SFXN5: variants seen among roughly 807,000 people sequenced by gnomAD.
SFXN5 encodes the protein sideroflexin 5, also known as sideroflexin-5.
A neutral mutation model predicts 50.2 loss-of-function variants in SFXN5; 43 were observed. That is an observed-to-expected ratio of 0.86 (90% confidence interval 0.67 to 1.11). The LOEUF is 1.11. SFXN5 is among the 50% of genes least tolerant of loss of function. The probability of loss-of-function intolerance (pLI) is 0.00; values close to 1 mark genes in which losing one functional copy is unlikely to be tolerated. For missense variants in SFXN5, 463 were observed against 454.1 expected (o/e 1.02, Z -0.18); for synonymous variants, 203 against 185.8 (o/e 1.09, Z -0.75).
chr2:73,059,747 TC>T, intron 1 of SFXN5: 1 of 979,802 alleles, frequency 1.0e-6, no homozygotes, highest in African/African-American at 1.8e-5. Context: ...CCTCTTATAA[TC>T]CACACAGCCC....
At chr2:72,987,263 C>T (rs1574040491) in intron 10 of SFXN5, among the ~76,000 whole-genome samples, 1 of 151,866 alleles carries the variant, frequency 6.6e-6, no homozygotes, top group South Asian at 2.1e-4. Flanking sequence ...GCATGCACCA[C>T]CACACCCAGC....
At chr2:72,995,145 C>A (rs1673062201) in intron 9 of SFXN5, among the ~76,000 whole-genome samples, 1 of 152,164 alleles carries the variant, frequency 6.6e-6, no homozygotes, top group Non-Finnish European at 1.5e-5. Flanking sequence ...ACATCACAGT[C>A]CCCCGATGGG....
intron 10 of SFXN5, among the ~76,000 whole-genome samples, chr2:72,982,419 C>T (rs1260723682): frequency 3.3e-5 from 5 of 152,352 alleles, no homozygotes; most frequent in Middle Eastern, 6.8e-3. Context: ...CTGGCCACCA[C>T]TGTCATCAGG....
intron 6 of SFXN5, 157 bp downstream of exon 6, chr2:73,020,082 G>T: frequency 1.5e-6 from 1 of 658,196 alleles, no homozygotes; most frequent in South Asian, 2.0e-5. Flanking sequence ...ATCAAGAGAT[G>T]TGGTAAGAAA....
chr2:73,026,446 G>T lies in SFXN5; in HGVS notation c.250-3232C>A, dbSNP rs147922515. Among the ~76,000 whole-genome samples the T allele has an allele frequency of 3.4e-3, 516 of 152,086 alleles. 4 individuals carry two copies. The highest frequency in any genetic ancestry group is 0.012 in the African/African-American group (482 of 41,468). On this transcript the variant is annotated intron_variant, in intron 3 of 13. Coordinates refer to ENST00000272433, the MANE Select transcript of SFXN5 (RefSeq NM_144579.3). Reference sequence around the variant, plus strand: ...GGTTGCTGCCTTGACTTTAATACAGGCATTGCCACCTAAGGACATTTTGGT... The same window carrying T: ...GGTTGCTGCCTTGACTTTAATACAGTCATTGCCACCTAAGGACATTTTGGT...
intron 10 of SFXN5, among the ~76,000 whole-genome samples, chr2:72,976,466 T>C (rs1670627767): frequency 6.6e-6 from 1 of 152,182 alleles, no homozygotes; most frequent in African/African-American, 2.4e-5. Context: ...AAAGAACAAA[T>C]ATGAGACCTA....
chr2:73,003,640 T>C (rs554245345), intron 6 of SFXN5, among the ~76,000 whole-genome samples: 2 of 152,390 alleles, frequency 1.3e-5, no homozygotes, highest in South Asian at 4.1e-4. Context: ...GCATGGATTC[T>C]GTGCCCAAAC....
intron 13 of SFXN5, among the ~76,000 whole-genome samples, chr2:72,949,546 C>A (rs923898816): frequency 6.6e-6 from 1 of 152,082 alleles, no homozygotes; most frequent in Non-Finnish European, 1.5e-5. Context: ...GAATTCTTGG[C>A]CTCAAGTGAT....
chr2:72,981,731 A>ACCCAG (rs1436398178), intron 10 of SFXN5, among the ~76,000 whole-genome samples: 3 of 152,252 alleles, frequency 2.0e-5, no homozygotes, highest in African/African-American at 7.2e-5. Flanking sequence ...CAATTCTGGC[A>ACCCAG]CCCAGCCCAG....
chr2:72,961,402 T>C lies in SFXN5; in HGVS notation c.828-154A>G, dbSNP rs1287890926. ...GCTAAACAGATATAGCAGAGTTCTG[T>C]CTTTGGGACCTTTTCCCGATAGGTA... is the stretch of plus-strand genomic sequence containing the variant. On this transcript the variant is annotated intron_variant, in intron 12 of 13. Transcript: ENST00000272433. The surrounding 1 kb of genome is among the most constrained non-coding windows in gnomAD (Gnocchi z 4.4). Among the ~76,000 whole-genome samples the C allele has an allele frequency of 5.3e-5, 8 of 152,190 alleles. No individual in the cohort carries two copies. The highest frequency in any genetic ancestry group is 4.6e-4 in the Admixed American group (7 of 15,284).
chr2:73,022,658 A>C, intron 4 of SFXN5, 82 bp from the exon 5 acceptor site: 2 of 760,998 alleles, frequency 2.6e-6, no homozygotes, highest in Non-Finnish European at 4.6e-6. Flanking sequence ...AGGAGGGAGA[A>C]AAGCAGAGGC....
chr2:72,971,702 T>A lies in SFXN5; in HGVS notation c.626-17A>T. The A allele has an allele frequency of 6.3e-7, 1 of 1,594,148 alleles. No individual in the cohort carries two copies. The highest frequency in any genetic ancestry group is 1.1e-5 in the South Asian group (1 of 90,622). On this transcript the variant is annotated splice_polypyrimidine_tract_variant and intron_variant, in intron 10 of 13. Transcript: ENST00000272433. ...TGGCACTGGCTGCAGAGAGAGGGGATGCAGAGAGCAGGATGAGGAGGAAGA... is the reference window on the plus strand; with the variant it reads ...TGGCACTGGCTGCAGAGAGAGGGGAAGCAGAGAGCAGGATGAGGAGGAAGA...
intron 9 of SFXN5, chr2:72,998,065 G>A (rs547656729): frequency 6.6e-6 from 1 of 152,380 alleles, no homozygotes; most frequent in East Asian, 1.9e-4. Context: ...TCAGCTATGT[G>A]AATGTTGTTT....
intron 6 of SFXN5, among the ~76,000 whole-genome samples, chr2:73,002,565 T>C (rs1168401592): frequency 6.6e-6 from 1 of 152,256 alleles, no homozygotes; most frequent in East Asian, 1.9e-4. Flanking sequence ...GGCAAGAATT[T>C]CTGTAAGGAA....
intron 3 of SFXN5, among the ~76,000 whole-genome samples, chr2:73,027,154 C>T (rs1325306722): frequency 6.6e-6 from 1 of 152,098 alleles, no homozygotes; most frequent in Non-Finnish European, 1.5e-5. Context: ...TAGGAGATGA[C>T]AGTCCCGGCG....
chr2:73,005,513 G>C (rs1674518479), intron 6 of SFXN5, among the ~76,000 whole-genome samples: 1 of 152,240 alleles, frequency 6.6e-6, no homozygotes, highest in Non-Finnish European at 1.5e-5. Context: ...GGATGGTTAT[G>C]AGAGGAAGTA....
In SFXN5 at chr2:72,944,759, G is replaced by T. The variant is rs1671745181; in HGVS notation, c.*263C>A. 1 of 451,180 alleles carries T rather than the reference G, an allele frequency of 2.2e-6. No homozygotes were observed. Among genetic ancestry groups the T allele is most frequent in the Non-Finnish European group, 3.9e-6 (1 of 253,714 alleles). 27.9% of individuals were successfully genotyped at this position (451,180 alleles called of 1,614,324 possible). A position where few individuals can be genotyped will look rare whatever the true frequency, so the allele number is the denominator to read the frequency against. On this transcript the variant is annotated 3_prime_UTR_variant, in exon 14 of 14. Coordinates refer to ENST00000272433, the MANE Select transcript of SFXN5 (RefSeq NM_144579.3). ...ATTTTTCAGCTTCACACATAATTGT[G>T]CTGAGTGGAGTTTTGACAACCCCAC...
intron 2 of SFXN5, among the ~76,000 whole-genome samples, chr2:73,055,187 T>C (rs565822393): frequency 3.5e-4 from 54 of 152,394 alleles, no homozygotes; most frequent in Admixed American, 3.2e-3. Flanking sequence ...AGTGAAGTGC[T>C]GCCCACGTGA....
At chr2:73,036,346 G>A (rs1678977746) in intron 3 of SFXN5, among the ~76,000 whole-genome samples, 1 of 152,200 alleles carries the variant, frequency 6.6e-6, no homozygotes, top group African/African-American at 2.4e-5. Context: ...GAGCCAGGAG[G>A]CTGGGGGAAG....
Sources: allele counts gnomAD v4.1 joint callset (sites outside exome capture counted in the v4.1 genomes callset), GRCh38; gene constraint gnomAD v4.1.1; non-coding constraint Gnocchi (gnomAD v3.1); transcripts MANE v1.5; gene names NCBI Gene and HGNC (gene_info 2026-07-23, HGNC 2026-07-21).